Variants in CCNDBP1 observed in about 807,000 individuals in gnomAD.
CCNDBP1 encodes cyclin D1 binding protein 1.
CCNDBP1 carries 45 observed loss-of-function variants against 46.2 expected under a neutral mutation model. The ratio of observed to expected loss-of-function variants is 0.97; its 90% CI spans 0.77 to 1.25. The LOEUF is 1.25. Among genes scored for constraint, CCNDBP1 ranks in the 50% most tolerant of loss-of-function variants. The pLI, the probability that CCNDBP1 is intolerant of heterozygous loss-of-function variation, is 0.00. For missense variants in CCNDBP1, 436 were observed against 442.1 expected (o/e 0.99, Z 0.12); for synonymous variants, 154 against 163.6 (o/e 0.94, Z 0.45).
intron 3 of CCNDBP1, among the ~76,000 whole-genome samples, chr15:43,187,287 TGA>T (rs2041868433): frequency 1.3e-5 from 2 of 151,740 alleles, no homozygotes; most frequent in Non-Finnish European, 1.5e-5. Context: ...TTTTTTTTTT[TGA>T]GACAGAGTCT....
At chr15:43,188,589 T>G (rs1450478296) in intron 3 of CCNDBP1, 1 of 152,266 alleles carries the variant, frequency 6.6e-6, no homozygotes, top group African/African-American at 2.4e-5. Flanking sequence ...GTTTGCCAGC[T>G]CCTGGTCTAA....
chr15:43,187,315 G>T (rs991056023), intron 3 of CCNDBP1, among the ~76,000 whole-genome samples: 24 of 151,216 alleles, frequency 1.6e-4, no homozygotes, highest in African/African-American at 5.4e-4. Context: ...TGTCACTCAG[G>T]CTGGAGTGCA....
intron 7 of CCNDBP1, 102 bp from the exon 8 acceptor site, chr15:43,191,293 A>G: frequency 7.9e-7 from 1 of 1,268,498 alleles, no homozygotes; most frequent in Non-Finnish European, 1.1e-6. Flanking sequence ...GCTGGCTAAG[A>G]TTTTTGGACA....
At chr15:43,192,289 A>G (rs2041966686) in intron 8 of CCNDBP1, among the ~76,000 whole-genome samples, 1 of 152,210 alleles carries the variant, frequency 6.6e-6, no homozygotes, top group African/African-American at 2.4e-5. Context: ...AATATCATAT[A>G]ATTAAGTGTT....
At chr15:43,188,002 G>T (rs769607723) in intron 3 of CCNDBP1, among the ~76,000 whole-genome samples, 61 of 151,014 alleles carry the variant, frequency 4.0e-4, no homozygotes, top group African/African-American at 6.8e-4. Flanking sequence ...GTTTTTTTTT[G>T]TTGTTGTTGT....
In CCNDBP1 at chr15:43,190,321, C is replaced by T. The variant is rs565526808; in HGVS notation, c.429-4C>T. On this transcript the variant is annotated splice_polypyrimidine_tract_variant and splice_region_variant and intron_variant, in intron 5 of 10. Coordinates refer to ENST00000300213, the MANE Select transcript of CCNDBP1 (RefSeq NM_012142.5). ...AATATATCCTTACTGATTTCTTTCC[C>T]CAGCCCTGAGAACAATGACCTTATT... 11 of 1,613,896 alleles carry T rather than the reference C, an allele frequency of 6.8e-6. No homozygotes were observed. Among genetic ancestry groups the T allele is most frequent in the Non-Finnish European group, 8.5e-6 (10 of 1,179,956 alleles).
rs2042039574 is a variant in CCNDBP1, at chr15:43,196,479, G to C, written c.*1638G>C. 1 of 151,654 alleles carries C rather than the reference G, an allele frequency of 6.6e-6. No homozygotes were observed. The highest frequency in any genetic ancestry group is 1.5e-5 in the Non-Finnish European group (1 of 67,968). The allele number at this position is 151,654 out of a possible 1,614,324, so 9.4% of individuals were successfully genotyped here. ...ATTTTTGTATTTTTAGTAGAGATGG[G>C]GTTTCACCATGTTGGCCAGGCTGGT... On this transcript the variant is annotated 3_prime_UTR_variant, in exon 11 of 11. Transcript: ENST00000300213.
chr15:43,188,133 C>T (rs1378437148), intron 3 of CCNDBP1, among the ~76,000 whole-genome samples: 1 of 152,108 alleles, frequency 6.6e-6, no homozygotes, highest in Non-Finnish European at 1.5e-5. Context: ...CTTATCTCAT[C>T]CCTGACTGGT....
chr15:43,192,990 C>A, intron 9 of CCNDBP1, 187 bp downstream of exon 9: 1 of 595,666 alleles, frequency 1.7e-6, no homozygotes, highest in Non-Finnish European at 3.0e-6. Flanking sequence ...ATTATAATAG[C>A]CATGAGCTTT....
intron 3 of CCNDBP1, 117 bp downstream of exon 3, chr15:43,186,350 G>A: frequency 2.5e-6 from 2 of 809,656 alleles, no homozygotes; most frequent in Non-Finnish European, 4.0e-6. Flanking sequence ...TCTGTCCAGT[G>A]AGGTTACCGT....
At chr15:43,187,122 TA>T (rs1301087685) in intron 3 of CCNDBP1, among the ~76,000 whole-genome samples, 5 of 152,242 alleles carry the variant, frequency 3.3e-5, no homozygotes, top group African/African-American at 7.2e-5. Flanking sequence ...AAGATTCTTT[TA>T]AAATGGCATA....
Position 43,191,000 on chromosome 15 carries a change from G to A in CCNDBP1, c.537G>A (p.Lys179=). ...CTGCAGCTCTTTTGATGCTGACCAA[G>A]AATGTGGATTTTGTGAAGGATGCAC... ...NKAAALLMLT[K]NVDFVKDAHE... The change falls in exon 7 of 11, where the codon AAG becomes AAA. Residue 179 remains lysine (K), a synonymous_variant. Coordinates refer to ENST00000300213, the MANE Select transcript of CCNDBP1 (RefSeq NM_012142.5). 6.2e-7 allele frequency: 1 copy of A among 1,614,140 alleles called. No homozygotes were observed. The highest frequency in any genetic ancestry group is 1.1e-5 in the South Asian group (1 of 91,082).
chr15:43,196,088 A>C lies in CCNDBP1; in HGVS notation c.*1247A>C, dbSNP rs1029348126. The C allele has an allele frequency of 3.9e-5, 6 of 152,074 alleles. No homozygotes were observed. The highest frequency in any genetic ancestry group is 1.4e-4 in the African/African-American group (6 of 41,408). 9.4% of individuals were successfully genotyped at this position (152,074 alleles called of 1,614,324 possible). ...GAGCCTATTTTTTATATACTTTTAT[A>C]TTTCTCTACTGGACCAAATTCATGT... On this transcript the variant is annotated 3_prime_UTR_variant, in exon 11 of 11. Transcript: ENST00000300213.
chr15:43,192,785 C>A lies in CCNDBP1; in HGVS notation c.903C>A (p.His301Gln), dbSNP rs749166892. ...LALSIYPPMC[H>Q]LTVRINSAKL... ...TGAGCATATATCCACCTATGTGTCACCTGACCGTGCGAATCAATGTAAGTA... is the reference window on the plus strand; with the variant it reads ...TGAGCATATATCCACCTATGTGTCAACTGACCGTGCGAATCAATGTAAGTA... The change falls in exon 9 of 11, where the codon CAC (histidine) becomes CAA (glutamine). Residue 301 changes from histidine (H) to glutamine (Q), a missense_variant. His to Gln is a conservative substitution (Grantham distance 24, BLOSUM62 0). Transcript: ENST00000300213. 15 of 1,614,098 alleles carry A rather than the reference C, an allele frequency of 9.3e-6. No homozygotes were observed. The highest frequency in any genetic ancestry group is 1.2e-5 in the Non-Finnish European group (14 of 1,179,998).
intron 3 of CCNDBP1, 128 bp from the exon 4 acceptor site, chr15:43,189,071 C>G (rs1161945442): frequency 2.6e-5 from 10 of 383,162 alleles, no homozygotes; most frequent in Non-Finnish European, 8.4e-6. Context: ...GAGTGAGACT[C>G]TGTCTCAAAA....
chr15:43,185,899 G>A lies in CCNDBP1; in HGVS notation c.169+20G>A, dbSNP rs770220990. 1.2e-6 allele frequency: 2 copies of A among 1,605,822 alleles called. No homozygotes were observed. Among genetic ancestry groups the A allele is most frequent in the Admixed American group, 3.4e-5 (2 of 59,568 alleles). ...GACTCAGTGAGTGCGCCTCCTTCCG[G>A]GCTCCCCTTGCCTCAGTTCCTCCAG... is the stretch of plus-strand genomic sequence containing the variant. On this transcript the variant is annotated intron_variant, in intron 2 of 10. Coordinates refer to ENST00000300213, the MANE Select transcript of CCNDBP1 (RefSeq NM_012142.5).
intron 7 of CCNDBP1, 132 bp from the exon 8 acceptor site, chr15:43,191,263 C>A: frequency 1.0e-6 from 1 of 966,372 alleles, no homozygotes; most frequent in Non-Finnish European, 1.5e-6. Flanking sequence ...TGATTCAACT[C>A]TGTAGCCCTT....
intron 9 of CCNDBP1, chr15:43,194,046 CTTTTTTTTTTTTT>C (rs748207621): frequency 1.4e-3 from 72 of 50,296 alleles, no homozygotes; most frequent in Middle Eastern, 5.9e-3. Flanking sequence ...TCTTAATGCG[CTTTTTTTTTTTTT>C]TTTTTTTTTT....
chr15:43,191,188 T>C, intron 7 of CCNDBP1, 146 bp downstream of exon 7: 1 of 818,874 alleles, frequency 1.2e-6, no homozygotes. Context: ...TGTTAGTGTT[T>C]GATTTAGTAC....
Sources: allele counts gnomAD v4.1 joint callset (sites outside exome capture counted in the v4.1 genomes callset), GRCh38; gene constraint gnomAD v4.1.1; transcripts MANE v1.5; gene names NCBI Gene and HGNC (gene_info 2026-07-23, HGNC 2026-07-21).